Variants in TOPBP1 observed in about 807,000 individuals in gnomAD.
TOPBP1 encodes DNA topoisomerase 2-binding protein 1.
A neutral mutation model predicts 167.7 loss-of-function variants in TOPBP1; 28 were observed. The observed-to-expected ratio is 0.17, with a 90% CI of 0.12 to 0.23. The LOEUF (loss-of-function observed/expected upper bound fraction) is 0.23. Ranked by LOEUF, TOPBP1 falls within the 10% of genes least tolerant of loss-of-function variation. The pLI, the probability that TOPBP1 is intolerant of heterozygous loss-of-function variation, is 1.00. For synonymous variants in TOPBP1, 598 were observed against 611.4 expected, an observed-to-expected ratio of 0.98 and a Z score of 0.32; for missense variants, 1,554 against 1,809.6, an observed-to-expected ratio of 0.86 and a Z score of 2.56.
intron 5 of TOPBP1, 125 bp from the exon 6 acceptor site, chr3:133,655,611 G>A: frequency 2.0e-6 from 1 of 508,918 alleles, no homozygotes; most frequent in South Asian, 4.7e-5. Flanking sequence ...TTACAAAGGA[G>A]AACCACCAAA....
At chr3:133,621,604 T>C (rs565739118) in intron 19 of TOPBP1, among the ~76,000 whole-genome samples, 154 of 152,326 alleles carry the variant, frequency 1.0e-3, no homozygotes, top group African/African-American at 3.6e-3. Flanking sequence ...AACTTAAGCA[T>C]CTGTGGATTT....
rs757494197 is a variant in TOPBP1 at position 133,628,370 on chromosome 3, T to C, written c.2796A>G (p.Ala932=). 3 of 1,597,482 alleles carry C rather than the reference T, an allele frequency of 1.9e-6. No homozygotes were observed. The highest frequency in any genetic ancestry group is 2.2e-5 in the East Asian group (1 of 44,556). The part of the protein sequence containing the change: ...ELNGIAASLG[A]DYRWSFDETV... ...AAAGATGTGCCAACTACCTGTAATCTGCTCCTAGAGAGGCTGCGATCCCAT... is the reference window on the plus strand; with the variant it reads ...AAAGATGTGCCAACTACCTGTAATCCGCTCCTAGAGAGGCTGCGATCCCAT... Residue 932 remains alanine, a synonymous_variant, in exon 16 of 28, where the codon GCA becomes GCG. Transcript: ENST00000260810.
At chr3:133,632,831 G>A (rs9871504) in intron 14 of TOPBP1, among the ~76,000 whole-genome samples, 12,335 of 152,052 alleles carry the variant, frequency 0.081, 514 homozygotes, top group Middle Eastern at 0.13. Flanking sequence ...GGAGTACAGC[G>A]GCATGATCAC....
chr3:133,623,423 A>G lies in TOPBP1; in HGVS notation c.2963T>C (p.Leu988Pro), dbSNP rs747019335. ...AQECKHLPES[L>P]YPHTYNPKMS... ...TTTGGGATTATAAGTATGTGGATAA[A>G]GAGATTCAGGAAGATGTTTACACTC... is the stretch of plus-strand genomic sequence containing the variant. Residue 988 changes from leucine to proline, a missense_variant, in exon 18 of 28, where the codon CTT becomes CCT. Leu to Pro is a moderately conservative substitution (Grantham distance 98). Around this residue, in one of 3 missense-constraint regions of TOPBP1, gnomAD observed 1,197 missense variants for 1,351.5 expected, o/e 0.89. Transcript: ENST00000260810. 15 of 1,612,568 alleles carry G rather than the reference A, an allele frequency of 9.3e-6. No individual in the cohort carries two copies. The East Asian group carries it at 1.1e-4, about 12-fold the overall frequency.
chr3:133,638,078 T>A lies in TOPBP1; in HGVS notation c.2318A>T (p.His773Leu). The A allele has an allele frequency of 6.2e-7, 1 of 1,614,016 alleles. No individual in the cohort carries two copies. ...AEHPGTRLQT[H>L]RKTVVTPLDM... ...TAAAGGTGTAACGACGGTTTTTCTG[T>A]GAGTTTGCAGGCGTGTGCCAGGATG... The change falls in exon 14 of 28, where the codon CAC becomes CTC. Residue 773 changes from histidine (H) to leucine (L), a missense_variant. Around this residue, in one of 3 missense-constraint regions of TOPBP1, gnomAD observed 1,197 missense variants for 1,351.5 expected, o/e 0.89. Transcript: ENST00000260810.
intron 13 of TOPBP1, among the ~76,000 whole-genome samples, chr3:133,638,389 G>C (rs1935751592): frequency 6.6e-6 from 1 of 152,088 alleles, no homozygotes. Context: ...AAACAAACCA[G>C]ATTATGCATT....
intron 19 of TOPBP1, among the ~76,000 whole-genome samples, chr3:133,621,681 AC>A (rs1447606508): frequency 2.0e-5 from 3 of 152,206 alleles, no homozygotes; most frequent in Non-Finnish European, 4.4e-5. Flanking sequence ...AACTGTATTT[AC>A]CTTTGGTTTT....
intron 20 of TOPBP1, 109 bp from the exon 21 acceptor site, chr3:133,618,542 C>G: frequency 1.1e-6 from 1 of 897,800 alleles, no homozygotes; most frequent in Non-Finnish European, 1.7e-6. Context: ...TGCCCACCAT[C>G]TAGCACACAG....
At chr3:133,639,799 C>T (rs1935831396) in intron 13 of TOPBP1, among the ~76,000 whole-genome samples, 160 bp downstream of exon 13, 2 of 152,100 alleles carry the variant, frequency 1.3e-5, no homozygotes, top group Admixed American at 1.3e-4. Flanking sequence ...AAATAGGAGC[C>T]AAGCTTACAT....
chr3:133,649,406 T>C lies in TOPBP1; in HGVS notation c.1481A>G (p.Tyr494Cys). 2.5e-6 allele frequency: 4 copies of C among 1,613,480 alleles called. No individual in the cohort carries two copies. The highest frequency in any genetic ancestry group is 3.4e-6 in the Non-Finnish European group (4 of 1,179,836). The change falls in exon 10 of 28, where the codon TAT becomes TGT. Residue 494 changes from tyrosine (Y) to cysteine (C), a missense_variant. Transcript: ENST00000260810. ...ACCTACTGTGGAGCTACCATTTTCA[T>C]ATTGAGAGAGCAGATCTTCATCAGC... ...EQADEDLLSQ[Y>C]ENGSSTVVEA...
At chr3:133,618,100 G>GA in intron 21 of TOPBP1, 113 bp downstream of exon 21, 1 of 878,640 alleles carries the variant, frequency 1.1e-6, no homozygotes, top group East Asian at 2.7e-5. Context: ...TATCTACGAA[G>GA]TTTTTTTTGT....
intron 14 of TOPBP1, among the ~76,000 whole-genome samples, chr3:133,636,341 C>G (rs1156461415): frequency 6.6e-6 from 1 of 151,484 alleles, no homozygotes; most frequent in African/African-American, 2.4e-5. Flanking sequence ...TTCCATGGGC[C>G]CTTTCATGTT....
rs565292497 is a variant in TOPBP1 at position 133,647,735 on chromosome 3, A to C, written c.1504+1648T>G. On this transcript the variant is annotated intron_variant, in intron 10 of 27. Transcript: ENST00000260810. The stretch of plus-strand genomic sequence containing the variant: ...AGCTAAAACTTCTAGGAATTGAAAA[A>C]TTAATTATTAAAACAGAAAATTTAA... Among the ~76,000 whole-genome samples, 20 of 152,300 alleles carry C rather than the reference A, an allele frequency of 1.3e-4. No individual in the cohort carries two copies. The East Asian group carries it at 3.9e-3, about 29-fold the overall frequency.
At chr3:133,630,954 G>C (rs959758295) in intron 14 of TOPBP1, among the ~76,000 whole-genome samples, 4 of 152,114 alleles carry the variant, frequency 2.6e-5, no homozygotes. Context: ...CAACACTTTG[G>C]GAGGCCAAGG....
intron 13 of TOPBP1, among the ~76,000 whole-genome samples, chr3:133,638,571 ACTACAGT>A (rs1456010153): frequency 2.6e-5 from 4 of 152,216 alleles, no homozygotes; most frequent in Non-Finnish European, 4.4e-5. Context: ...CTCAGAGTTA[ACTACAGT>A]CTAGTTTTGG....
intron 13 of TOPBP1, among the ~76,000 whole-genome samples, chr3:133,639,656 C>T (rs1035451502): frequency 3.3e-5 from 5 of 151,926 alleles, no homozygotes; most frequent in African/African-American, 1.2e-4. Context: ...TAGCTGAGAA[C>T]TGAAAGATAA....
intron 13 of TOPBP1, among the ~76,000 whole-genome samples, chr3:133,639,346 GA>G (rs1292667628): frequency 3.9e-5 from 6 of 152,012 alleles, no homozygotes; most frequent in African/African-American, 1.4e-4. Context: ...TCATTCTGAG[GA>G]AACTATCACA....
rs1181568941 is a variant in TOPBP1 at position 133,643,183 on chromosome 3, T to C, written c.2021+17A>G. The C allele has an allele frequency of 6.4e-7, 1 of 1,552,258 alleles. No individual in the cohort carries two copies. Among genetic ancestry groups the C allele is most frequent in the Non-Finnish European group, 8.6e-7 (1 of 1,156,296 alleles). ...AAGATACACCAATACAACAGGTGCA[T>C]TAAAAATATTACATACCTTGCTCCA... On this transcript the variant is annotated intron_variant, in intron 12 of 27. Coordinates refer to ENST00000260810, the MANE Select transcript of TOPBP1 (RefSeq NM_007027.4).
intron 23 of TOPBP1, among the ~76,000 whole-genome samples, chr3:133,616,276 C>T (rs1313026779): frequency 2.0e-5 from 3 of 149,316 alleles, no homozygotes; most frequent in Admixed American, 1.3e-4. Context: ...TGTGCCTCTA[C>T]GTCTCGCAAA....
Sources: gnomAD v4.1 joint callset for allele counts (sites outside exome capture counted in the v4.1 genomes callset) on GRCh38, gnomAD v4.1.1 for gene constraint, gnomAD v4.1.1 regional missense constraint, MANE v1.5 for transcripts, NCBI Gene and HGNC (gene_info 2026-07-23, HGNC 2026-07-21) for gene names.